Variants in MYO18B observed in about 807,000 individuals in gnomAD.
MYO18B encodes the protein myosin XVIIIB, also known as unconventional myosin-XVIIIb.
A neutral mutation model predicts 273.0 loss-of-function variants in MYO18B; 204 were observed. That is an observed-to-expected ratio of 0.75 (90% CI 0.67 to 0.84). The LOEUF is 0.84. Ranked by LOEUF, MYO18B falls within the 40% of genes least tolerant of loss-of-function variation. The pLI is 0.00. For missense variants in MYO18B, 3,212 were observed against 3,287.6 expected, an observed-to-expected ratio of 0.98 and a Z score of 0.56; for synonymous variants, 1,330 against 1,305.7, an observed-to-expected ratio of 1.02 and a Z score of -0.40.
At chr22:25,997,978 C>CACGA (rs34431605) in intron 40 of MYO18B, among the ~76,000 whole-genome samples, 9 of 144,638 alleles carry the variant, frequency 6.2e-5, no homozygotes, top group East Asian at 2.0e-4. Flanking sequence ...CACACACACA[C>CACGA]GAGAGAGAGA....
intron 12 of MYO18B, among the ~76,000 whole-genome samples, chr22:25,817,233 T>G (rs2089058402): frequency 6.6e-6 from 1 of 151,770 alleles, no homozygotes; most frequent in Non-Finnish European, 1.5e-5. Context: ...TCGTTCTTTC[T>G]CTCTTTCTCT....
At chr22:25,995,483 A>G (rs1259869525) in intron 40 of MYO18B, among the ~76,000 whole-genome samples, 3 of 152,208 alleles carry the variant, frequency 2.0e-5, no homozygotes, top group Non-Finnish European at 4.4e-5. Context: ...TGCATTGCAC[A>G]CCTGTATCAA....
At chr22:25,827,948 G>A (rs563886141) in intron 14 of MYO18B, among the ~76,000 whole-genome samples, 52 of 152,324 alleles carry the variant, frequency 3.4e-4, no homozygotes, top group African/African-American at 1.2e-3. Context: ...ATGCATGTCT[G>A]TGTGGTGGCT....
chr22:25,857,771 A>G lies in MYO18B; in HGVS notation c.3885+6192A>G, dbSNP rs570335785. On this transcript the variant is annotated intron_variant, in intron 21 of 43. Coordinates refer to ENST00000335473, the MANE Select transcript of MYO18B (RefSeq NM_032608.7). ...TGGGTTCAAGTGATTCTCCTGCCTC[A>G]GCCTCCTGAGTAGCTGGGACTACAG... Among the ~76,000 whole-genome samples, 4 of 152,324 alleles carry G rather than the reference A, an allele frequency of 2.6e-5. 1 individual carries two copies. The South Asian group carries it at 8.3e-4, about 32-fold the overall frequency.
chr22:25,885,361 T>A (rs780812175), intron 25 of MYO18B, among the ~76,000 whole-genome samples: 10 of 152,114 alleles, frequency 6.6e-5, no homozygotes, highest in South Asian at 2.1e-4. Context: ...AGACTGTGAT[T>A]GAGGAGAAGC....
the MYO18B span, among the ~76,000 whole-genome samples, chr22:26,048,992 C>G: frequency 6.6e-6 from 1 of 152,164 alleles, no homozygotes; most frequent in African/African-American, 2.4e-5. Flanking sequence ...ACGAAATAAT[C>G]TGTGCAACAA....
intron 7 of MYO18B, among the ~76,000 whole-genome samples, chr22:25,774,569 C>A (rs1355904563): frequency 6.6e-6 from 1 of 152,224 alleles, no homozygotes; most frequent in African/African-American, 2.4e-5. Flanking sequence ...CCTTCCTAAC[C>A]CTGGGGTGGG....
chr22:26,031,353 G>C (rs1390945799), downstream of MYO18B, among the ~76,000 whole-genome samples: 1 of 152,130 alleles, frequency 6.6e-6, no homozygotes, highest in Non-Finnish European at 1.5e-5. Context: ...ACCATAGCTG[G>C]AGGGTTGAAG....
At chr22:26,029,765 G>A (rs1044358901) in intron 43 of MYO18B, among the ~76,000 whole-genome samples, 10 of 152,140 alleles carry the variant, frequency 6.6e-5, no homozygotes, top group Non-Finnish European at 1.5e-5. Flanking sequence ...TGGACCCTAG[G>A]CAAGTGATAC....
At chr22:25,926,679 T>C (rs1418613879) in intron 34 of MYO18B, among the ~76,000 whole-genome samples, 2 of 152,178 alleles carry the variant, frequency 1.3e-5, no homozygotes, top group Non-Finnish European at 2.9e-5. Context: ...CAAATATGGA[T>C]ATGATCTCCA....
In MYO18B at chr22:25,954,131, G is replaced by T. The variant is rs190362435; in HGVS notation, c.5971-1048G>T. Among the ~76,000 whole-genome samples, 5 of 152,270 alleles carry T rather than the reference G, an allele frequency of 3.3e-5. No homozygotes were observed. In the East Asian group the frequency reaches 9.6e-4, roughly 29 times the overall value. On this transcript the variant is annotated intron_variant, in intron 38 of 43. Transcript: ENST00000335473. ...GAGTATTTGCCCATCAGGATCGATT[G>T]GTTCCCGGCTTGTTGGCCAACTAAT...
At chr22:25,801,534 T>C (rs1197577508) in intron 12 of MYO18B, among the ~76,000 whole-genome samples, 1 of 152,178 alleles carries the variant, frequency 6.6e-6, no homozygotes. Context: ...AAGGAGTCAG[T>C]GGCAAAAACT....
chr22:25,847,317 A>C, intron 19 of MYO18B, 113 bp from the exon 20 acceptor site: 1 of 827,116 alleles, frequency 1.2e-6, no homozygotes, highest in Non-Finnish European at 1.9e-6. Context: ...GGTGTGGGAC[A>C]TAGGGGCCCC....
intron 16 of MYO18B, 39 bp downstream of exon 16, chr22:25,833,036 A>C: frequency 6.4e-7 from 1 of 1,571,456 alleles, no homozygotes; most frequent in South Asian, 1.1e-5. Context: ...CTCAGATGCC[A>C]GTTGGCCATA....
intron 34 of MYO18B, among the ~76,000 whole-genome samples, chr22:25,939,099 G>A (rs1340392022): frequency 6.6e-6 from 1 of 152,324 alleles, no homozygotes; most frequent in East Asian, 1.9e-4. Flanking sequence ...ACAGGCATAA[G>A]CCACCATGCC....
At chr22:26,015,578 C>T (rs8137855) in intron 42 of MYO18B, among the ~76,000 whole-genome samples, 17,801 of 152,158 alleles carry the variant, frequency 0.12, 1,127 homozygotes, top group Middle Eastern at 0.14. Context: ...CATCATCTCA[C>T]TTATAAGTGG....
At position 25,842,703 on chromosome 22, in the gene MYO18B, G is replaced by A. The variant is rs962947018; in HGVS notation, c.3209-1032G>A. On this transcript the variant is annotated intron_variant, in intron 17 of 43. Coordinates refer to ENST00000335473, the MANE Select transcript of MYO18B (RefSeq NM_032608.7). ...AAAAAAAAAAAAAAAAATTCATCTGGGGCCATTCAGTATGGAGACAGCTAT... is the reference window on the plus strand; with the variant it reads ...AAAAAAAAAAAAAAAAATTCATCTGAGGCCATTCAGTATGGAGACAGCTAT... Among the ~76,000 whole-genome samples, 3 of 151,544 alleles carry A rather than the reference G, an allele frequency of 2.0e-5. No homozygotes were observed. The East Asian group carries it at 5.8e-4, about 29-fold the overall frequency.
chr22:26,003,222 G>A, intron 40 of MYO18B, 43 bp from the exon 41 acceptor site: 1 of 1,569,854 alleles, frequency 6.4e-7, no homozygotes. Context: ...CCAAGCCCCT[G>A]GCAGCACGAG....
At chr22:25,784,017 C>A (rs1407071125) in intron 10 of MYO18B, among the ~76,000 whole-genome samples, 4 of 152,214 alleles carry the variant, frequency 2.6e-5, no homozygotes, top group Non-Finnish European at 5.9e-5. Flanking sequence ...CCCATGCACT[C>A]ATGTGGGAAA....
Sources: allele counts gnomAD v4.1 joint callset (sites outside exome capture counted in the v4.1 genomes callset), GRCh38; gene constraint gnomAD v4.1.1; transcripts MANE v1.5; gene names NCBI Gene and HGNC (gene_info 2026-07-23, HGNC 2026-07-21).